The following KCNJ3 variants were observed in gnomAD, a reference collection of about 807,000 sequenced individuals.
The protein encoded by KCNJ3 is G protein-activated inward rectifier potassium channel 1.
In KCNJ3, 4 loss-of-function variants were observed where a neutral mutation model predicts 39.2. The observed-to-expected ratio is 0.10, with a 90% confidence interval of 0.05 to 0.23. KCNJ3 has a LOEUF of 0.23. KCNJ3 is among the 10% of genes least tolerant of loss of function. The pLI is 1.00. For missense variants in KCNJ3, 276 were observed against 634.9 expected, an observed-to-expected ratio of 0.43 and a Z score of 6.08; for synonymous variants, 230 against 237.4, an observed-to-expected ratio of 0.97 and a Z score of 0.29.
At chr2:154,821,394 C>T (rs1687169709) in intron 2 of KCNJ3, among the ~76,000 whole-genome samples, 1 of 152,084 alleles carries the variant, frequency 6.6e-6, no homozygotes, top group Non-Finnish European at 1.5e-5. Context: ...AGAAAATAAT[C>T]CACTACGAAG....
intron 1 of KCNJ3, 104 bp from the exon 2 acceptor site, chr2:154,709,499 A>T: frequency 8.6e-7 from 1 of 1,161,046 alleles, no homozygotes; most frequent in Non-Finnish European, 1.2e-6. Context: ...GTTGCAGATG[A>T]TTGATAGTGC....
chr2:154,811,405 G>A lies in KCNJ3; in HGVS notation c.920-43322G>A, dbSNP rs964925096. ...AGTTTTCAGCGATTTTTCTGCCTCC[G>A]CCTCCCAAGTAGCTGGGACCACAGG... On this transcript the variant is annotated intron_variant, in intron 2 of 2. Coordinates refer to ENST00000295101, the MANE Select transcript of KCNJ3 (RefSeq NM_002239.4). 5.9e-5 allele frequency among the ~76,000 whole-genome samples: 9 copies of A among 152,118 alleles called. No individual in the cohort carries two copies. In the East Asian group the frequency reaches 9.7e-4, roughly 16 times the overall value.
chr2:154,753,066 T>C lies in KCNJ3; in HGVS notation c.919+43247T>C, dbSNP rs187743297. On this transcript the variant is annotated intron_variant, in intron 2 of 2. Transcript: ENST00000295101. ...TATTGACCTCAGTTGAAGCCTCTAA[T>C]TCTCTCTTATCGGATAAGAATTTTT... is the stretch of plus-strand genomic sequence containing the variant. Among the ~76,000 whole-genome samples the C allele has an allele frequency of 1.1e-3, 170 of 152,226 alleles. 1 individual carries two copies. The highest frequency in any genetic ancestry group is 3.6e-3 in the Admixed American group (55 of 15,292).
chr2:154,740,366 C>T lies in KCNJ3; in HGVS notation c.919+30547C>T, dbSNP rs1209023964. ...CAGATTTTACCTCCCATCCCACAGA[C>T]CAGTATGTTCATTTCTGTTAGTAGA... On this transcript the variant is annotated intron_variant, in intron 2 of 2. Coordinates refer to ENST00000295101, the MANE Select transcript of KCNJ3 (RefSeq NM_002239.4). 2.6e-5 allele frequency among the ~76,000 whole-genome samples: 4 copies of T among 152,000 alleles called. No homozygotes were observed. The East Asian group carries it at 7.7e-4, about 29-fold the overall frequency.
intron 2 of KCNJ3, among the ~76,000 whole-genome samples, chr2:154,829,243 T>G (rs1687321787): frequency 6.6e-6 from 1 of 152,178 alleles, no homozygotes. Context: ...ATGAGCGTAG[T>G]ACCCAATAGG....
At chr2:154,779,171 T>C (rs1006874260) in intron 2 of KCNJ3, among the ~76,000 whole-genome samples, 1 of 152,066 alleles carries the variant, frequency 6.6e-6, no homozygotes, top group African/African-American at 2.4e-5. Flanking sequence ...ACTCATTTTA[T>C]AGTTTAGAGC....
intron 2 of KCNJ3, among the ~76,000 whole-genome samples, chr2:154,853,557 TTCA>T (rs1687791108): frequency 6.6e-6 from 1 of 152,108 alleles, no homozygotes; most frequent in Non-Finnish European, 1.5e-5. Flanking sequence ...GTTTTTAAAA[TTCA>T]TCATTATCTT....
At chr2:154,761,196 T>G (rs1048425085) in intron 2 of KCNJ3, among the ~76,000 whole-genome samples, 2 of 152,026 alleles carry the variant, frequency 1.3e-5, no homozygotes, top group African/African-American at 4.8e-5. Context: ...CATCTTTTTT[T>G]TTGTTTTAAT....
At chr2:154,831,627 G>C (rs1687365424) in intron 2 of KCNJ3, among the ~76,000 whole-genome samples, 1 of 152,120 alleles carries the variant, frequency 6.6e-6, no homozygotes, top group Non-Finnish European at 1.5e-5. Context: ...TCTATAAAAG[G>C]TGTGCAGAAT....
In KCNJ3 at chr2:154,732,815, A is replaced by G. The variant is rs147585372; in HGVS notation, c.919+22996A>G. Among the ~76,000 whole-genome samples, 59 of 152,282 alleles carry G rather than the reference A, an allele frequency of 3.9e-4. No individual in the cohort carries two copies. The East Asian group carries it at 6.9e-3, about 18-fold the overall frequency. On this transcript the variant is annotated intron_variant, in intron 2 of 2. Transcript: ENST00000295101. ...ACAATCTGGCAAGATATCATTCAAA[A>G]TCATGCATTATTTACAGATCACTTG...
intron 2 of KCNJ3, among the ~76,000 whole-genome samples, chr2:154,785,462 A>G (rs962954499): frequency 6.6e-6 from 1 of 152,170 alleles, no homozygotes. Flanking sequence ...TAACAGTATG[A>G]AGAGGTGGGG....
intron 2 of KCNJ3, among the ~76,000 whole-genome samples, chr2:154,807,449 C>T (rs1686930774): frequency 6.6e-6 from 1 of 152,196 alleles, no homozygotes; most frequent in South Asian, 2.1e-4. Flanking sequence ...ATGTGGCTTC[C>T]TGGCTAGGTT....
chr2:154,778,951 C>A (rs116070348), intron 2 of KCNJ3, among the ~76,000 whole-genome samples: 1 of 151,968 alleles, frequency 6.6e-6, no homozygotes, highest in Non-Finnish European at 1.5e-5. Context: ...TTTTAGTATT[C>A]CCCTATGTGA....
intron 2 of KCNJ3, among the ~76,000 whole-genome samples, chr2:154,815,331 T>C (rs762963229): frequency 1.2e-4 from 18 of 152,212 alleles, no homozygotes; most frequent in Non-Finnish European, 1.8e-4. Context: ...AAATCCTCAA[T>C]GGCTAATTCT....
intron 2 of KCNJ3, among the ~76,000 whole-genome samples, chr2:154,850,453 T>C (rs968081346): frequency 5.3e-5 from 8 of 152,132 alleles, no homozygotes; most frequent in Admixed American, 1.3e-4. Flanking sequence ...TCATCACCAT[T>C]TTGGGATAAC....
intron 2 of KCNJ3, among the ~76,000 whole-genome samples, chr2:154,755,016 A>G (rs564495562): frequency 6.6e-6 from 1 of 152,228 alleles, no homozygotes; most frequent in African/African-American, 2.4e-5. Flanking sequence ...CATCAAATTT[A>G]TTATTGTAAA....
At chr2:154,752,421 T>C (rs939147814) in intron 2 of KCNJ3, among the ~76,000 whole-genome samples, 1 of 151,920 alleles carries the variant, frequency 6.6e-6, no homozygotes, top group Non-Finnish European at 1.5e-5. Context: ...AAATGAAATG[T>C]ATGGAGCTTT....
rs142505888 is a variant in KCNJ3 at position 154,754,568 on chromosome 2, C to A, written c.919+44749C>A. ...GGGATTACAGGCATGAGCCACCGCA[C>A]CCGGCTGTAAACATTTCTTTAATAA... On this transcript the variant is annotated intron_variant, in intron 2 of 2. Transcript: ENST00000295101. 1.6e-3 allele frequency among the ~76,000 whole-genome samples: 241 copies of A among 152,326 alleles called. 2 individuals carry two copies. Among genetic ancestry groups the A allele is most frequent in the African/African-American group, 5.7e-3 (235 of 41,580 alleles).
chr2:154,850,574 A>ATCTT (rs1687743302), intron 2 of KCNJ3, among the ~76,000 whole-genome samples: 1 of 152,210 alleles, frequency 6.6e-6, no homozygotes, highest in Admixed American at 6.5e-5. Flanking sequence ...AATCTTCCAT[A>ATCTT]TCTTTATCCA....
Sources: gnomAD v4.1 joint callset for allele counts (sites outside exome capture counted in the v4.1 genomes callset) on GRCh38, gnomAD v4.1.1 for gene constraint, MANE v1.5 for transcripts, NCBI Gene and HGNC (gene_info 2026-07-23, HGNC 2026-07-21) for gene names.